EPHA3: variants seen among roughly 807,000 people sequenced by gnomAD.
EPHA3 encodes the protein ephrin type-A receptor 3.
EPHA3 carries 42 observed loss-of-function variants against 107.1 expected under a neutral mutation model. The observed-to-expected ratio is 0.39, with a 90% CI of 0.31 to 0.51. The LOEUF (loss-of-function observed/expected upper bound fraction) is 0.51. EPHA3 is among the 20% of genes least tolerant of loss of function. The pLI, the probability that EPHA3 is intolerant of heterozygous loss-of-function variation, is 0.78. For missense variants in EPHA3, 1,183 were observed against 1,211.2 expected, an observed-to-expected ratio of 0.98 and a Z score of 0.35; for synonymous variants, 461 against 424.8, an observed-to-expected ratio of 1.09 and a Z score of -1.05.
At chr3:89,338,689 C>A (rs1234919304) in intron 3 of EPHA3, among the ~76,000 whole-genome samples, 2 of 152,176 alleles carry the variant, frequency 1.3e-5, no homozygotes, top group African/African-American at 4.8e-5. Flanking sequence ...GCTGGGACCA[C>A]AGGCGCCCAC....
chr3:89,388,033 A>G (rs1708656616), intron 5 of EPHA3, among the ~76,000 whole-genome samples: 1 of 152,156 alleles, frequency 6.6e-6, no homozygotes, highest in African/African-American at 2.4e-5. Flanking sequence ...ATGTCTTAGA[A>G]TATTTTTCTC....
At chr3:89,250,032 G>A (rs549196970) in intron 3 of EPHA3, among the ~76,000 whole-genome samples, 25 of 152,282 alleles carry the variant, frequency 1.6e-4, no homozygotes, top group African/African-American at 5.8e-4. Flanking sequence ...ACCAAAAAAT[G>A]TGGGGTCCTC....
chr3:89,409,309 A>G (rs1280093246), intron 9 of EPHA3, among the ~76,000 whole-genome samples: 2 of 151,998 alleles, frequency 1.3e-5, no homozygotes, highest in African/African-American at 2.4e-5. Flanking sequence ...CTTTTTCTCA[A>G]TGGGCCCACA....
chr3:89,273,201 G>C (rs901131614), intron 3 of EPHA3, among the ~76,000 whole-genome samples: 4 of 151,806 alleles, frequency 2.6e-5, no homozygotes, highest in Admixed American at 2.6e-4. Context: ...TACTTTCTCT[G>C]AGAATCACTT....
intron 5 of EPHA3, among the ~76,000 whole-genome samples, chr3:89,359,673 T>TTG (rs34701566): frequency 0.31 from 45,719 of 145,576 alleles, 9,920 homozygotes; most frequent in South Asian, 0.51. Context: ...ACATTATATA[T>TTG]TGTGTGTGTG....
intron 5 of EPHA3, among the ~76,000 whole-genome samples, chr3:89,357,263 G>T (rs1333918538): frequency 2.0e-5 from 3 of 150,344 alleles, no homozygotes; most frequent in Non-Finnish European, 4.5e-5. Context: ...ACTTTACCAA[G>T]GCCCAGGTTG....
At chr3:89,232,487 A>C (rs1267418185) in intron 3 of EPHA3, among the ~76,000 whole-genome samples, 1 of 152,126 alleles carries the variant, frequency 6.6e-6, no homozygotes, top group Non-Finnish European at 1.5e-5. Context: ...GTCTTCAAAT[A>C]ATTTTTAGGA....
intron 3 of EPHA3, among the ~76,000 whole-genome samples, chr3:89,296,667 C>T (rs1379027658): frequency 7.9e-5 from 12 of 152,128 alleles, no homozygotes; most frequent in African/African-American, 2.7e-4. Flanking sequence ...CTTAAAGTCA[C>T]CAGCTGTTGC....
intron 3 of EPHA3, among the ~76,000 whole-genome samples, chr3:89,227,003 A>G (rs1323879048): frequency 6.6e-6 from 1 of 152,028 alleles, no homozygotes; most frequent in Non-Finnish European, 1.5e-5. Flanking sequence ...GCAGACAGAG[A>G]GCACATACAC....
intron 5 of EPHA3, among the ~76,000 whole-genome samples, chr3:89,354,513 A>C (rs1174291966): frequency 6.6e-6 from 1 of 151,090 alleles, no homozygotes; most frequent in African/African-American, 2.4e-5. Context: ...CTTTATAGAT[A>C]TCTATCAGGA....
chr3:89,460,326 C>A (rs1193933056), intron 15 of EPHA3, among the ~76,000 whole-genome samples: 1 of 143,624 alleles, frequency 7.0e-6, no homozygotes, highest in African/African-American at 2.6e-5. Flanking sequence ...ATATTTAGAA[C>A]GAGGTTTTAA....
intron 5 of EPHA3, among the ~76,000 whole-genome samples, chr3:89,377,599 A>G (rs553615283): frequency 6.6e-6 from 1 of 152,258 alleles, no homozygotes; most frequent in African/African-American, 2.4e-5. Flanking sequence ...AAAATAGACT[A>G]CCAGACTTTG....
chr3:89,132,780 C>T (rs1250660438), intron 2 of EPHA3, among the ~76,000 whole-genome samples: 1 of 152,172 alleles, frequency 6.6e-6, no homozygotes, highest in East Asian at 1.9e-4. Flanking sequence ...GTTCTAGCTA[C>T]TCAGGGGGCT....
chr3:89,344,434 C>G lies in EPHA3; in HGVS notation c.1306+2344C>G, dbSNP rs528793783. ...CTAATGTGTTTATAATATGCACCACCAGGCATTTTATATATTTATTTCAGG... is the reference window on the plus strand; with the variant it reads ...CTAATGTGTTTATAATATGCACCACGAGGCATTTTATATATTTATTTCAGG... On this transcript the variant is annotated intron_variant, in intron 5 of 16. Coordinates refer to ENST00000336596, the MANE Select transcript of EPHA3 (RefSeq NM_005233.6). 5.3e-5 allele frequency among the ~76,000 whole-genome samples: 8 copies of G among 152,278 alleles called. 1 individual carries two copies. In the South Asian group the frequency reaches 1.4e-3, roughly 28 times the overall value.
At chr3:89,327,824 TA>T (rs1037059988) in intron 3 of EPHA3, among the ~76,000 whole-genome samples, 1 of 151,994 alleles carries the variant, frequency 6.6e-6, no homozygotes, top group African/African-American at 2.4e-5. Flanking sequence ...GTAAATGCCA[TA>T]AACTGTTTCT....
intron 3 of EPHA3, among the ~76,000 whole-genome samples, chr3:89,295,255 A>T (rs570226936): frequency 8.9e-4 from 136 of 152,308 alleles, no homozygotes; most frequent in South Asian, 1.9e-3. Flanking sequence ...TTAGTTAAAA[A>T]TACTTTATTA....
At chr3:89,119,365 AT>A (rs781171451) in intron 1 of EPHA3, among the ~76,000 whole-genome samples, 10 of 152,078 alleles carry the variant, frequency 6.6e-5, no homozygotes, top group Non-Finnish European at 1.5e-4. Flanking sequence ...CATCTCTTTC[AT>A]CAATAAATTA....
intron 3 of EPHA3, among the ~76,000 whole-genome samples, chr3:89,299,093 A>G (rs963582201): frequency 2.6e-5 from 4 of 152,152 alleles, no homozygotes; most frequent in African/African-American, 9.6e-5. Context: ...TGTAAATATC[A>G]GATTTTAGAA....
intron 5 of EPHA3, among the ~76,000 whole-genome samples, chr3:89,359,375 A>G (rs1482916721): frequency 2.0e-5 from 3 of 150,838 alleles, no homozygotes; most frequent in African/African-American, 7.3e-5. Context: ...TATGAAAAGT[A>G]AAAACGATTA....
Sources: gnomAD v4.1 joint callset for allele counts (sites outside exome capture counted in the v4.1 genomes callset) on GRCh38, gnomAD v4.1.1 for gene constraint, MANE v1.5 for transcripts, NCBI Gene and HGNC (gene_info 2026-07-23, HGNC 2026-07-21) for gene names.